MICAL2: variants seen among roughly 807,000 people sequenced by gnomAD.
MICAL2 encodes microtubule associated monooxygenase, calponin and LIM domain containing 2, also known as [F-actin]-monooxygenase MICAL2.
A neutral mutation model predicts 127.3 loss-of-function variants in MICAL2; 77 were observed. That is an observed-to-expected ratio of 0.60 (90% CI 0.50 to 0.73). MICAL2 has a LOEUF of 0.73. Ranked by LOEUF, MICAL2 falls within the 30% of genes least tolerant of loss-of-function variation. The pLI is 0.00. For missense variants in MICAL2, 1,351 were observed against 1,434.4 expected, an observed-to-expected ratio of 0.94 and a Z score of 0.94; for synonymous variants, 570 against 551.1, an observed-to-expected ratio of 1.03 and a Z score of -0.48.
At chr11:12,302,071 A>G (rs1294694871) in intron 29 of MICAL2, among the ~76,000 whole-genome samples, 5 of 152,192 alleles carry the variant, frequency 3.3e-5, no homozygotes, top group Admixed American at 3.3e-4. Flanking sequence ...AAGGGAGGCT[A>G]TGGCCATCTT....
At chr11:12,142,205 C>G (rs2133637752) in intron 2 of MICAL2, among the ~76,000 whole-genome samples, 1 of 152,330 alleles carries the variant, frequency 6.6e-6, no homozygotes, top group African/African-American at 2.4e-5. Context: ...CCCACAGCTC[C>G]TACCTCATTG....
intron 32 of MICAL2, among the ~76,000 whole-genome samples, chr11:12,334,415 CT>C (rs1226032413): frequency 1.3e-5 from 2 of 151,576 alleles, no homozygotes; most frequent in Non-Finnish European, 2.9e-5. Flanking sequence ...CACAACCATC[CT>C]TTTTTTATCC....
intron 26 of MICAL2, chr11:12,261,025 A>C: frequency 2.0e-6 from 2 of 985,560 alleles, no homozygotes. Flanking sequence ...TGTGGCTCCC[A>C]GCGGATCCCC....
chr11:12,267,273 C>T (rs1458693813), downstream of MICAL2, among the ~76,000 whole-genome samples: 2 of 152,208 alleles, frequency 1.3e-5, no homozygotes, highest in Non-Finnish European at 2.9e-5. Context: ...CTGATGTCTA[C>T]TGGGCATGTC....
chr11:12,287,953 G>T (rs1293045450), downstream of MICAL2, among the ~76,000 whole-genome samples: 1 of 152,178 alleles, frequency 6.6e-6, no homozygotes, highest in Non-Finnish European at 1.5e-5. Context: ...GACCCAGAAA[G>T]GCCTTGGCTT....
At chr11:12,259,705 C>A in intron 25 of MICAL2, 90 bp from the exon 26 acceptor site, 3 of 1,206,660 alleles carry the variant, frequency 2.5e-6, no homozygotes, top group Admixed American at 2.6e-5. Context: ...CAGGGTCTGG[C>A]GAGTTCAGTT....
At chr11:12,211,502 A>G (rs1855462364) in intron 6 of MICAL2, among the ~76,000 whole-genome samples, 2 of 152,228 alleles carry the variant, frequency 1.3e-5, no homozygotes, top group South Asian at 4.1e-4. Flanking sequence ...GGGCATTCCC[A>G]AAGGTGGCTA....
intron 15 of MICAL2, among the ~76,000 whole-genome samples, chr11:12,232,853 T>C (rs1420911537): frequency 6.6e-6 from 1 of 152,262 alleles, no homozygotes; most frequent in Non-Finnish European, 1.5e-5. Flanking sequence ...TGTTCACCCA[T>C]GGTCCAAAAA....
At chr11:12,193,205 AG>A (rs1859439252) in intron 3 of MICAL2, among the ~76,000 whole-genome samples, 1 of 152,234 alleles carries the variant, frequency 6.6e-6, no homozygotes, top group Non-Finnish European at 1.5e-5. Context: ...TAGAAAGAGA[AG>A]GGGAACACTC....
At chr11:12,202,187 G>T (rs750406869) in intron 3 of MICAL2, among the ~76,000 whole-genome samples, 1 of 151,270 alleles carries the variant, frequency 6.6e-6, no homozygotes, top group Non-Finnish European at 1.5e-5. Context: ...TCTCCTTCCC[G>T]TCTCTTCTCC....
intron 3 of MICAL2, among the ~76,000 whole-genome samples, chr11:12,179,404 A>G (rs1857186091): frequency 6.6e-6 from 1 of 152,056 alleles, no homozygotes; most frequent in South Asian, 2.1e-4. Flanking sequence ...CCCAGCCCAG[A>G]GCCGCACCTA....
intron 3 of MICAL2, among the ~76,000 whole-genome samples, chr11:12,175,713 C>T (rs1008346260): frequency 6.6e-6 from 1 of 151,930 alleles, no homozygotes; most frequent in Non-Finnish European, 1.5e-5. Flanking sequence ...AAGATGGTGA[C>T]ATTTGAGCAG....
rs750776700 is a variant in MICAL2 at position 12,240,974 on chromosome 11, A to G, written c.2215-66A>G. The G allele has an allele frequency of 4.9e-5, 77 of 1,583,552 alleles. No homozygotes were observed. In the East Asian group the frequency reaches 1.5e-3, roughly 30 times the overall value. ...TTCTCTTCTCCCTCCAAGCCTCTCA[A>G]TCTGACTCACCTTTTCCTTCATGTC... On this transcript the variant is annotated intron_variant, in intron 17 of 27. Coordinates refer to ENST00000683283, the MANE Select transcript of MICAL2 (RefSeq NM_001282663.2).
rs577886317 is a variant in MICAL2 at position 12,317,165 on chromosome 11, C to T, written c.5213-2531C>T. Among the ~76,000 whole-genome samples, 19 of 152,296 alleles carry T rather than the reference C, an allele frequency of 1.2e-4. No individual in the cohort carries two copies. In the East Asian group the frequency reaches 2.1e-3, roughly 17 times the overall value. On this transcript the variant is annotated intron_variant, in intron 29 of 34. Transcript: ENST00000646065. ...CCCTCTTCTCCAATACTCTGCCCCA[C>T]GTATTCCAGCTGTCTCAGCCTGCCC...
intron 15 of MICAL2, among the ~76,000 whole-genome samples, chr11:12,235,307 C>T (rs1858885858): frequency 1.3e-5 from 2 of 152,120 alleles, no homozygotes; most frequent in South Asian, 4.1e-4. Flanking sequence ...CTTTGGGAGC[C>T]CTTGCAGGGT....
At chr11:12,306,399 T>C (rs1864109785) in intron 29 of MICAL2, among the ~76,000 whole-genome samples, 1 of 152,212 alleles carries the variant, frequency 6.6e-6, no homozygotes, top group Admixed American at 6.5e-5. Context: ...TGATTGACTA[T>C]ATGGTCATTT....
In MICAL2 at chr11:12,249,334, A is replaced by G. The variant is rs951903850; in HGVS notation, c.2847+88A>G. On this transcript the variant is annotated intron_variant, in intron 22 of 27. Coordinates refer to ENST00000683283, the MANE Select transcript of MICAL2 (RefSeq NM_001282663.2). Reference sequence around the variant, plus strand: ...CTGCAGGGCTCTGGGAGTTAAGCGCATATGATCAGCAGCAGTACAGTGCCT... The same window carrying G: ...CTGCAGGGCTCTGGGAGTTAAGCGCGTATGATCAGCAGCAGTACAGTGCCT... 3 of 779,382 alleles carry G rather than the reference A, an allele frequency of 3.8e-6. No homozygotes were observed. The African/African-American group carries it at 5.2e-5, about 13-fold the overall frequency. 48.3% of individuals were successfully genotyped at this position (779,382 alleles called of 1,614,324 possible).
intron 18 of MICAL2, among the ~76,000 whole-genome samples, chr11:12,241,753 G>A (rs1859995713): frequency 6.6e-6 from 1 of 152,232 alleles, no homozygotes; most frequent in South Asian, 2.1e-4. Flanking sequence ...TAGGATTTGT[G>A]TGTTGCTCCC....
chr11:12,223,494 C>T lies in MICAL2; in HGVS notation c.1533C>T (p.Ser511=), dbSNP rs765371163. Residue 511 remains serine, a synonymous_variant, in exon 12 of 28, where the codon TCC becomes TCT. Coordinates refer to ENST00000683283, the MANE Select transcript of MICAL2 (RefSeq NM_001282663.2). ...CGGTGAGGAGATCTGTCAACCTCTC[C>T]AGGAAGGGTAAGCGGCCCTCCTGGG... The part of the protein sequence containing the change: ...LGSVRRSVNL[S]RKESDIRPSK... The T allele has an allele frequency of 2.5e-6, 4 of 1,613,758 alleles. No homozygotes were observed. Among genetic ancestry groups the T allele is most frequent in the African/African-American group, 1.3e-5 (1 of 74,910 alleles).
Sources: allele counts gnomAD v4.1 joint callset (sites outside exome capture counted in the v4.1 genomes callset), GRCh38; gene constraint gnomAD v4.1.1; transcripts MANE v1.5; gene names NCBI Gene and HGNC (gene_info 2026-07-23, HGNC 2026-07-21).